The following GADL1 variants were observed in gnomAD, a reference collection of about 807,000 sequenced individuals.
The protein encoded by GADL1 is GAD like acidic amino acid decarboxylase 1, also known as acidic amino acid decarboxylase GADL1.
Under a neutral mutation model 69.5 loss-of-function variants are expected in GADL1, and 71 were observed. The ratio of observed to expected loss-of-function variants is 1.02; its 90% CI spans 0.84 to 1.25. The LOEUF is 1.25. GADL1 is among the 50% of genes most tolerant of loss of function. The pLI, the probability that GADL1 is intolerant of heterozygous loss-of-function variation, is 0.00. For missense variants in GADL1, 737 were observed against 631.8 expected (o/e 1.17, Z -1.79); for synonymous variants, 254 against 214.4 (o/e 1.18, Z -1.62).
intron 11 of GADL1, among the ~76,000 whole-genome samples, chr3:30,833,568 G>A (rs1327893198): frequency 6.6e-6 from 1 of 152,022 alleles, no homozygotes; most frequent in Non-Finnish European, 1.5e-5. Context: ...GTTTAAAACT[G>A]AGTTTTAAAA....
At chr3:30,875,550 A>G (rs1244021426) in intron 1 of GADL1, among the ~76,000 whole-genome samples, 1 of 151,948 alleles carries the variant, frequency 6.6e-6, no homozygotes, top group Non-Finnish European at 1.5e-5. Flanking sequence ...CACAACATAC[A>G]ATAGTCATGC....
intron 11 of GADL1, among the ~76,000 whole-genome samples, chr3:30,821,494 C>T (rs1012249817): frequency 7.2e-6 from 1 of 139,208 alleles, no homozygotes; most frequent in Non-Finnish European, 1.7e-5. Context: ...GTGATGGGTT[C>T]GTGGAAGTTC....
intron 14 of GADL1, among the ~76,000 whole-genome samples, chr3:30,761,403 T>G (rs184900071): frequency 2.8e-4 from 43 of 152,214 alleles, no homozygotes; most frequent in Middle Eastern, 3.4e-3. Flanking sequence ...TAGCCAAGTC[T>G]TCTTCCAGGC....
intron 14 of GADL1, among the ~76,000 whole-genome samples, chr3:30,765,589 G>T (rs1050741040): frequency 2.4e-4 from 37 of 152,158 alleles, no homozygotes. Context: ...GCTGAACAAG[G>T]CCCTGCCCTC....
chr3:30,797,670 G>GTT (rs140124139), intron 12 of GADL1: 51,036 of 147,566 alleles, frequency 0.35, 10,161 homozygotes, highest in Middle Eastern at 0.45. Context: ...TTTTGTTTTT[G>GTT]TTTTTTTTTT....
At chr3:30,850,162 G>A (rs113168495) in intron 5 of GADL1, 51 bp from the exon 6 acceptor site, 47 of 962,128 alleles carry the variant, frequency 4.9e-5, no homozygotes, top group African/African-American at 2.7e-4. Context: ...GTTATAGCTC[G>A]CAAAATGCTG....
chr3:30,789,935 A>C (rs1696878694), intron 12 of GADL1, among the ~76,000 whole-genome samples: 1 of 152,156 alleles, frequency 6.6e-6, no homozygotes, highest in Non-Finnish European at 1.5e-5. Flanking sequence ...AGCAGCAATA[A>C]AGTTGTTTCG....
chr3:30,818,289 A>C (rs1697509566), intron 11 of GADL1, among the ~76,000 whole-genome samples: 1 of 152,222 alleles, frequency 6.6e-6, no homozygotes, highest in Non-Finnish European at 1.5e-5. Flanking sequence ...TGTCGTGAGA[A>C]CTTAAAAGCA....
chr3:30,783,939 C>CA (rs1334699088), intron 13 of GADL1, among the ~76,000 whole-genome samples: 1 of 152,086 alleles, frequency 6.6e-6, no homozygotes, highest in Non-Finnish European at 1.5e-5. Flanking sequence ...CCAGCTCTGT[C>CA]AAAAGACTGT....
intron 11 of GADL1, among the ~76,000 whole-genome samples, chr3:30,801,749 A>C (rs1697169553): frequency 6.6e-6 from 1 of 152,204 alleles, no homozygotes; most frequent in African/African-American, 2.4e-5. Context: ...ATTCATCACG[A>C]TTATAGGGCC....
intron 1 of GADL1, among the ~76,000 whole-genome samples, chr3:30,875,884 C>T (rs1698570618): frequency 1.3e-5 from 2 of 151,822 alleles, no homozygotes; most frequent in African/African-American, 2.4e-5. Flanking sequence ...CATTCACACA[C>T]AAGAAAAAGC....
chr3:30,758,913 TCTC>T (rs570790001), intron 14 of GADL1, among the ~76,000 whole-genome samples: 75 of 152,302 alleles, frequency 4.9e-4, no homozygotes, highest in African/African-American at 1.8e-3. Flanking sequence ...CAACATTTGA[TCTC>T]CTTCTAAAGT....
At chr3:30,789,554 G>A (rs987416793) in intron 12 of GADL1, among the ~76,000 whole-genome samples, 10 of 152,160 alleles carry the variant, frequency 6.6e-5, no homozygotes, top group African/African-American at 1.9e-4. Flanking sequence ...TTGAAGACGG[G>A]CATTGACTTC....
chr3:30,762,380 T>TTTTTCA (rs1445638760), intron 14 of GADL1, among the ~76,000 whole-genome samples: 26 of 152,312 alleles, frequency 1.7e-4, no homozygotes, highest in African/African-American at 6.3e-4. Flanking sequence ...GATTTTTGAA[T>TTTTTCA]TGTCAAGCAT....
intron 1 of GADL1, among the ~76,000 whole-genome samples, chr3:30,871,483 A>G (rs1472486945): frequency 2.0e-5 from 3 of 151,832 alleles, no homozygotes; most frequent in South Asian, 2.1e-4. Flanking sequence ...GAGTTCTACA[A>G]CTGTCAATGG....
At chr3:30,843,159 G>T (rs568147967) in intron 8 of GADL1, among the ~76,000 whole-genome samples, 1 of 152,168 alleles carries the variant, frequency 6.6e-6, no homozygotes, top group South Asian at 2.1e-4. Context: ...ACGGTCTGAA[G>T]CTCCATCAGC....
chr3:30,771,959 G>A lies in GADL1; in HGVS notation c.1392+6220C>T, dbSNP rs1696428105. On this transcript the variant is annotated intron_variant, in intron 14 of 14. Coordinates refer to ENST00000282538, the MANE Select transcript of GADL1 (RefSeq NM_207359.3). ...AGGAAATAAATGGGGCAAGGAAAGA[G>A]ATACTGAAGCCCTCCCTAAAATCCA... 1.3e-5 allele frequency among the ~76,000 whole-genome samples: 2 copies of A among 152,174 alleles called. 1 individual carries two copies. Among genetic ancestry groups the A allele is most frequent in the Admixed American group, 1.3e-4 (2 of 15,278 alleles).
At chr3:30,839,557 C>T (rs559941451) in intron 8 of GADL1, among the ~76,000 whole-genome samples, 1 of 144,128 alleles carries the variant, frequency 6.9e-6, no homozygotes, top group African/African-American at 2.7e-5. Flanking sequence ...CGGAGTAAAC[C>T]ATGCAGGCCT....
chr3:30,731,786 C>G (rs1040249684), intron 14 of GADL1, among the ~76,000 whole-genome samples: 1 of 152,138 alleles, frequency 6.6e-6, no homozygotes, highest in Non-Finnish European at 1.5e-5. Context: ...AGATTAATTC[C>G]TACAGGCAGT....
Sources: gnomAD v4.1 joint callset for allele counts (sites outside exome capture counted in the v4.1 genomes callset) on GRCh38, gnomAD v4.1.1 for gene constraint, MANE v1.5 for transcripts, NCBI Gene and HGNC (gene_info 2026-07-23, HGNC 2026-07-21) for gene names.